DLG5: variants seen among roughly 807,000 people sequenced by gnomAD.
DLG5 encodes discs large MAGUK scaffold protein 5.
DLG5 carries 48 observed loss-of-function variants against 189.8 expected under a neutral mutation model. That is an observed-to-expected ratio of 0.25 (90% CI 0.20 to 0.32). The LOEUF (loss-of-function observed/expected upper bound fraction) is 0.32, where lower values mean the gene tolerates loss of function less well. Ranked by LOEUF, DLG5 falls within the 10% of genes least tolerant of loss-of-function variation. The pLI is 1.00. For missense variants in DLG5, 2,160 were observed against 2,544.7 expected (o/e 0.85, Z 3.25); for synonymous variants, 1,016 against 1,054.1 (o/e 0.96, Z 0.70).
In DLG5 at chr10:77,821,753, G is replaced by C; in HGVS notation, c.2731C>G (p.Arg911Gly). 1 of 1,609,006 alleles carries C rather than the reference G, an allele frequency of 6.2e-7. No individual in the cohort carries two copies. Among genetic ancestry groups the C allele is most frequent in the South Asian group, 1.1e-5 (1 of 90,728 alleles). ...AAGGGCAGCAGTGGCCGCCGGCCACGCACGTCCACCAGCCCAAAGCCACGG... is the reference window on the plus strand; with the variant it reads ...AAGGGCAGCAGTGGCCGCCGGCCACCCACGTCCACCAGCCCAAAGCCACGG... ...GDRGFGLVDV[R>G]GRRPLLPFET... Residue 911 changes from arginine (R) to glycine (G), a missense_variant, in exon 15 of 32, where the codon CGT (arginine) becomes GGT (glycine). This residue lies in a region of DLG5 where 754 missense variants were observed against 746.5 expected (regional missense o/e 1.01). Coordinates refer to ENST00000372391, the MANE Select transcript of DLG5 (RefSeq NM_004747.4).
At chr10:77,919,934 T>C (rs1846486228) in intron 1 of DLG5, among the ~76,000 whole-genome samples, 1 of 152,192 alleles carries the variant, frequency 6.6e-6, no homozygotes, top group African/African-American at 2.4e-5. Flanking sequence ...TTGAAGATGA[T>C]CTGGACAAGG....
chr10:77,842,573 C>T (rs759008992), intron 6 of DLG5, among the ~76,000 whole-genome samples: 20 of 152,184 alleles, frequency 1.3e-4, no homozygotes, highest in Non-Finnish European at 2.1e-4. Flanking sequence ...TTCACAGATA[C>T]GAACAGTACA....
chr10:77,915,361 G>A (rs1219637179), intron 1 of DLG5, among the ~76,000 whole-genome samples: 1 of 151,950 alleles, frequency 6.6e-6, no homozygotes, highest in East Asian at 1.9e-4. Context: ...TTAGTGTTTT[G>A]GTACTCTGAA....
chr10:77,881,348 G>T (rs1408457770), intron 1 of DLG5, among the ~76,000 whole-genome samples: 3 of 152,132 alleles, frequency 2.0e-5, no homozygotes, highest in African/African-American at 7.2e-5. Context: ...ACTACTGGCA[G>T]GTCAGGAGCT....
chr10:77,916,785 A>C (rs1362198988), intron 1 of DLG5, among the ~76,000 whole-genome samples: 1 of 151,916 alleles, frequency 6.6e-6, no homozygotes, highest in Admixed American at 6.6e-5. Flanking sequence ...AAGAGAAAGC[A>C]GGGACTCGAA....
At chr10:77,865,600 A>G (rs1844642464) in intron 2 of DLG5, among the ~76,000 whole-genome samples, 1 of 152,218 alleles carries the variant, frequency 6.6e-6, no homozygotes, top group African/African-American at 2.4e-5. Context: ...GATGAGAAAT[A>G]AAAGGCTACT....
intron 2 of DLG5, among the ~76,000 whole-genome samples, chr10:77,865,328 G>A (rs1036085731): frequency 1.3e-5 from 2 of 152,250 alleles, no homozygotes; most frequent in South Asian, 2.1e-4. Context: ...AGGATCAGAG[G>A]TCACAGGGCG....
At chr10:77,903,630 CAA>C (rs574454210) in intron 1 of DLG5, among the ~76,000 whole-genome samples, 1,603 of 58,714 alleles carry the variant, frequency 0.027, 23 homozygotes, top group African/African-American at 0.062. Context: ...AACTCCATCT[CAA>C]AAAAAAAAAA....
intron 27 of DLG5, among the ~76,000 whole-genome samples, chr10:77,802,507 G>A (rs1349524696): frequency 6.6e-6 from 1 of 152,214 alleles, no homozygotes; most frequent in Non-Finnish European, 1.5e-5. Context: ...AAAGAGCAAT[G>A]GAAATGTAAA....
chr10:77,879,436 T>C (rs904996291), intron 1 of DLG5, among the ~76,000 whole-genome samples: 2 of 151,786 alleles, frequency 1.3e-5, no homozygotes, highest in Admixed American at 1.3e-4. Flanking sequence ...AGGTTCTGAG[T>C]AGAGGAAAGC....
chr10:77,852,614 G>A (rs1194000256), intron 5 of DLG5, among the ~76,000 whole-genome samples: 2 of 151,896 alleles, frequency 1.3e-5, no homozygotes, highest in Non-Finnish European at 1.5e-5. Context: ...ATGGGGTTTC[G>A]CCATGTTAGG....
intron 13 of DLG5, among the ~76,000 whole-genome samples, chr10:77,828,357 A>G (rs1333836433): frequency 6.6e-6 from 1 of 152,026 alleles, no homozygotes; most frequent in East Asian, 1.9e-4. Context: ...ATGGTGGTGC[A>G]CACCCTGTAA....
chr10:77,794,125 G>C lies in DLG5; in HGVS notation c.5547-8C>G, dbSNP rs1334112157. 3 of 1,611,206 alleles carry C rather than the reference G, an allele frequency of 1.9e-6. No individual in the cohort carries two copies. The highest frequency in any genetic ancestry group is 2.5e-6 in the Non-Finnish European group (3 of 1,177,572). On this transcript the variant is annotated splice_polypyrimidine_tract_variant and splice_region_variant and intron_variant, in intron 30 of 31. Coordinates refer to ENST00000372391, the MANE Select transcript of DLG5 (RefSeq NM_004747.4). ...ATGGGGTCTCTCTGCTCCCTGTGGGGACAGCCAGACACCAGGCTGAGCACT... is the reference window on the plus strand; with the variant it reads ...ATGGGGTCTCTCTGCTCCCTGTGGGCACAGCCAGACACCAGGCTGAGCACT...
intron 1 of DLG5, among the ~76,000 whole-genome samples, chr10:77,917,105 CG>C (rs1846381565): frequency 6.6e-6 from 1 of 151,726 alleles, no homozygotes; most frequent in Admixed American, 6.6e-5. Flanking sequence ...GAGGCCAAGG[CG>C]GCCAGATCGC....
chr10:77,907,796 C>G (rs562498104), intron 1 of DLG5, among the ~76,000 whole-genome samples: 12 of 152,160 alleles, frequency 7.9e-5, no homozygotes, highest in Non-Finnish European at 1.3e-4. Flanking sequence ...TATCTTGGCT[C>G]AGGTACAGGC....
intron 13 of DLG5, 114 bp from the exon 14 acceptor site, chr10:77,824,590 C>G: frequency 1.3e-6 from 1 of 796,104 alleles, no homozygotes; most frequent in Non-Finnish European, 2.0e-6. Context: ...TGCAAGGTGC[C>G]AAAGTCAGGA....
chr10:77,795,638 G>A (rs1482815312), intron 29 of DLG5, among the ~76,000 whole-genome samples: 4 of 152,132 alleles, frequency 2.6e-5, no homozygotes, highest in East Asian at 1.9e-4. Flanking sequence ...CGAAGGCACC[G>A]AGAGTCATAG....
chr10:77,905,086 G>A (rs573015706), intron 1 of DLG5, among the ~76,000 whole-genome samples: 7 of 144,102 alleles, frequency 4.9e-5, no homozygotes, highest in South Asian at 2.2e-4. Context: ...CCGAGATCGC[G>A]CCACTGCACT....
At chr10:77,903,674 G>A (rs1034175449) in intron 1 of DLG5, among the ~76,000 whole-genome samples, 4 of 150,536 alleles carry the variant, frequency 2.7e-5, no homozygotes, top group Non-Finnish European at 4.4e-5. Flanking sequence ...ATATGTAGAA[G>A]GTATATATGA....
Sources: allele counts gnomAD v4.1 joint callset (sites outside exome capture counted in the v4.1 genomes callset), GRCh38; gene constraint gnomAD v4.1.1; regional missense constraint gnomAD v4.1.1; transcripts MANE v1.5; gene names NCBI Gene and HGNC (gene_info 2026-07-23, HGNC 2026-07-21).